PEX16: variants seen among roughly 807,000 people sequenced by gnomAD.
PEX16 encodes peroxin 16.
In PEX16, 37 loss-of-function variants were observed where a neutral mutation model predicts 50.5. The observed-to-expected ratio is 0.73, with a 90% CI of 0.56 to 0.96. PEX16 has a LOEUF of 0.96. Ranked by LOEUF, PEX16 falls within the 40% of genes least tolerant of loss-of-function variation. PEX16 has a pLI of 0.00. For synonymous variants in PEX16, 185 were observed against 190.3 expected (o/e 0.97, Z 0.23); for missense variants, 401 against 438.3 (o/e 0.91, Z 0.76).
Position 45,914,397 on chromosome 11 carries a change from C to A in PEX16, c.613G>T (p.Glu205Ter). 1.2e-6 allele frequency: 2 copies of A among 1,609,850 alleles called. No individual in the cohort carries two copies. Among genetic ancestry groups the A allele is most frequent in the South Asian group, 2.2e-5 (2 of 91,090 alleles). The change falls in exon 7 of 11, where the codon GAG becomes TAG. Residue 205 changes from glutamate to a stop codon, truncating the protein, a stop_gained. Transcript: ENST00000378750. LOFTEE classifies it high-confidence loss of function. ...AGGGGGGTGGGGGTCGCACTCAGCT[C>A]CTCGTGATGCTGCTGCTGCCGTCCC... ...REGRQQQHHE[E>*]LSATPTPLGL...
chr11:45,917,263 C>T (rs531945203), intron 2 of PEX16, 195 bp downstream of exon 2: 55 of 685,988 alleles, frequency 8.0e-5, no homozygotes, highest in South Asian at 4.6e-4. Context: ...AGATAAGGTC[C>T]CCAGACGTGT....
At chr11:45,911,385 G>T (rs532630413) in intron 9 of PEX16, among the ~76,000 whole-genome samples, 2 of 152,378 alleles carry the variant, frequency 1.3e-5, no homozygotes, top group South Asian at 4.1e-4. Flanking sequence ...AGCCACCAAT[G>T]AGAGTAGTCA....
intron 5 of PEX16, among the ~76,000 whole-genome samples, chr11:45,915,037 A>C (rs1178129648): frequency 6.6e-6 from 1 of 152,246 alleles, no homozygotes; most frequent in Non-Finnish European, 1.5e-5. Flanking sequence ...TGCCTTCAAA[A>C]CAATCATGAT....
upstream of PEX16, chr11:45,918,185 A>C: frequency 2.7e-6 from 1 of 367,546 alleles, no homozygotes. Context: ...CAGTCAGAGC[A>C]GTTCATTCTA....
At chr11:45,918,183 G>A (rs1421623437), upstream of PEX16, 1 of 379,572 alleles carries the variant, frequency 2.6e-6, no homozygotes, top group Non-Finnish European at 5.1e-6. Flanking sequence ...GGCAGTCAGA[G>A]CAGTTCATTC....
chr11:45,914,312 A>G lies in PEX16; in HGVS notation c.694+4T>C. The G allele has an allele frequency of 1.2e-6, 2 of 1,613,500 alleles. No homozygotes were observed. Among genetic ancestry groups the G allele is most frequent in the East Asian group, 2.2e-5 (1 of 44,880 alleles). ...AGCCCTATCCTGCCCCGCGCTAAGG[A>G]TACAGTGCAGCAGCGGCCGGGCAAT... On this transcript the variant is annotated splice_donor_region_variant and intron_variant, in intron 7 of 10. Transcript: ENST00000378750.
chr11:45,914,256 A>C (rs1373711429), intron 7 of PEX16, 53 bp from the exon 8 acceptor site: 49 of 1,612,866 alleles, frequency 3.0e-5, no homozygotes, highest in Non-Finnish European at 4.2e-5. Flanking sequence ...TGCTCAGCAC[A>C]CTCCCCACTC....
chr11:45,910,799 T>C (rs2086769118), intron 10 of PEX16, 99 bp downstream of exon 10: 4 of 1,146,626 alleles, frequency 3.5e-6, no homozygotes, highest in Non-Finnish European at 5.3e-6. Context: ...CTCCTGACTG[T>C]GCCAAGAATC....
At chr11:45,915,928 T>C in intron 3 of PEX16, 92 bp from the exon 4 acceptor site, 2 of 1,237,400 alleles carry the variant, frequency 1.6e-6, no homozygotes, top group Non-Finnish European at 2.4e-6. Flanking sequence ...TGACAAGAGA[T>C]GTGGACCTTC....
At chr11:45,910,589 T>G (rs1185649354) in intron 10 of PEX16, among the ~76,000 whole-genome samples, 2 of 152,194 alleles carry the variant, frequency 1.3e-5, no homozygotes, top group East Asian at 3.9e-4. Flanking sequence ...AGCAGCCCGG[T>G]GGACCCCTTC....
intron 5 of PEX16, 86 bp from the exon 6 acceptor site, chr11:45,914,770 G>A: frequency 1.8e-6 from 2 of 1,087,154 alleles, no homozygotes; most frequent in Non-Finnish European, 2.8e-6. Context: ...GAATGCTCAG[G>A]AGCTAAGGGG....
At position 45,909,708 on chromosome 11, in the gene PEX16, G is replaced by A. The variant is rs1271538449; in HGVS notation, c.*546C>T. On this transcript the variant is annotated 3_prime_UTR_variant, in exon 11 of 11. Coordinates refer to ENST00000378750, the MANE Select transcript of PEX16 (RefSeq NM_004813.4). The stretch of plus-strand genomic sequence containing the variant: ...CTTTTACTCTCAACCGAGGATGCAG[G>A]GCTTAAAGTGCCACTTGCGTGGGAG... 4 of 314,038 alleles carry A rather than the reference G, an allele frequency of 1.3e-5. No homozygotes were observed. Among genetic ancestry groups the A allele is most frequent in the African/African-American group, 8.4e-5 (4 of 47,480 alleles). 19.5% of individuals were successfully genotyped at this position (314,038 alleles called of 1,614,324 possible). A position where few individuals can be genotyped will look rare whatever the true frequency, so the allele number is the denominator to read the frequency against.
intron 3 of PEX16, 129 bp from the exon 4 acceptor site, chr11:45,915,965 G>A (rs1428053793): frequency 3.1e-6 from 3 of 968,526 alleles, no homozygotes; most frequent in Non-Finnish European, 5.0e-6. Flanking sequence ...CTGTGCAGGT[G>A]TGAGTTCAAA....
At position 45,917,555 on chromosome 11, in the gene PEX16, C is replaced by A. The variant is rs373274101; in HGVS notation, c.113-62G>T. The A allele has an allele frequency of 1.4e-5, 22 of 1,589,110 alleles. No individual in the cohort carries two copies. The African/African-American group carries it at 2.2e-4, about 16-fold the overall frequency. On this transcript the variant is annotated intron_variant, in intron 1 of 10. Coordinates refer to ENST00000378750, the MANE Select transcript of PEX16 (RefSeq NM_004813.4). ...TCTGCCTCACATTTCGTCTTCGGGT[C>A]CCGGAAATCCCCTCCCTACGCCCTT...
At position 45,911,256 on chromosome 11, in the gene PEX16, G is replaced by A. The variant is rs149509933; in HGVS notation, c.888-294C>T. Among the ~76,000 whole-genome samples the A allele has an allele frequency of 4.1e-3, 630 of 152,288 alleles. 5 individuals are homozygous for A. Among genetic ancestry groups the A allele is most frequent in the African/African-American group, 0.015 (608 of 41,562 alleles). Reference sequence around the variant, plus strand: ...CATCCAACACTGAAGGCCTCTAGAGGGTCGCATGTGGAGCAGCGCCCTGGC... The same window carrying A: ...CATCCAACACTGAAGGCCTCTAGAGAGTCGCATGTGGAGCAGCGCCCTGGC... On this transcript the variant is annotated intron_variant, in intron 9 of 10. Transcript: ENST00000378750.
chr11:45,914,906 C>T (rs1431754583), intron 5 of PEX16, among the ~76,000 whole-genome samples: 1 of 152,208 alleles, frequency 6.6e-6, no homozygotes, highest in Non-Finnish European at 1.5e-5. Flanking sequence ...GGGGAAAGCT[C>T]AGCATAGCTG....
In PEX16 at chr11:45,909,861, A is replaced by G; in HGVS notation, c.*393T>C. The G allele has an allele frequency of 1.7e-6, 1 of 578,580 alleles. No individual in the cohort carries two copies. Among genetic ancestry groups the G allele is most frequent in the Non-Finnish European group, 3.1e-6 (1 of 321,758 alleles). 35.8% of individuals were successfully genotyped at this position (578,580 alleles called of 1,614,324 possible). A position where few individuals can be genotyped will look rare whatever the true frequency, so the allele number is the denominator to read the frequency against. On this transcript the variant is annotated 3_prime_UTR_variant, in exon 11 of 11. Coordinates refer to ENST00000378750, the MANE Select transcript of PEX16 (RefSeq NM_004813.4). ...GCCCCAGCCAGAAGACACGCTGGGC[A>G]GCGTTCAGCCATCACCCGGGTTCAG...
rs373733086 is a variant in PEX16 at position 45,915,581 on chromosome 11, G to A, written c.360-13C>T. On this transcript the variant is annotated splice_polypyrimidine_tract_variant and intron_variant, in intron 4 of 10. Coordinates refer to ENST00000378750, the MANE Select transcript of PEX16 (RefSeq NM_004813.4). The stretch of plus-strand genomic sequence containing the variant: ...CCGCAGTACAGCCCTGGGTCGGGGA[G>A]TATGTCAGGGTTGTGGGGAGGTGGC... The A allele has an allele frequency of 1.2e-6, 2 of 1,613,700 alleles. No homozygotes were observed. The highest frequency in any genetic ancestry group is 1.7e-6 in the Non-Finnish European group (2 of 1,179,646).
At chr11:45,918,010 C>T, upstream of PEX16, 2 of 641,184 alleles carry the variant, frequency 3.1e-6, no homozygotes, top group Admixed American at 2.3e-5. Flanking sequence ...ACTCGGGTAG[C>T]CCTTAGCAAC....
Sources: allele counts gnomAD v4.1 joint callset (sites outside exome capture counted in the v4.1 genomes callset), GRCh38; gene constraint gnomAD v4.1.1; transcripts MANE v1.5; gene names NCBI Gene and HGNC (gene_info 2026-07-23, HGNC 2026-07-21).